Variants in MLIP observed in about 807,000 individuals in gnomAD.
The protein encoded by MLIP is muscular LMNA interacting protein, also known as muscular LMNA-interacting protein.
In MLIP, 79 loss-of-function variants were observed where a neutral mutation model predicts 84.8. The ratio of observed to expected loss-of-function variants is 0.93; its 90% CI spans 0.78 to 1.12. MLIP has a LOEUF of 1.12. MLIP is among the 50% of genes most tolerant of loss of function. MLIP has a pLI of 0.00. For synonymous variants in MLIP, 504 were observed against 463.0 expected, an observed-to-expected ratio of 1.09 and a Z score of -1.14; for missense variants, 1,257 against 1,160.6, an observed-to-expected ratio of 1.08 and a Z score of -1.21.
intron 1 of MLIP, among the ~76,000 whole-genome samples, chr6:54,062,985 T>C (rs1183252903): frequency 6.6e-6 from 1 of 152,038 alleles, no homozygotes; most frequent in Non-Finnish European, 1.5e-5. Flanking sequence ...GGTGGATTAC[T>C]TGAGGTCGCA....
At chr6:54,044,210 T>G (rs1764903880) in intron 1 of MLIP, among the ~76,000 whole-genome samples, 1 of 152,224 alleles carries the variant, frequency 6.6e-6, no homozygotes, top group African/African-American at 2.4e-5. Context: ...CCAATTACCA[T>G]GGTCTTTGGT....
intron 4 of MLIP, among the ~76,000 whole-genome samples, chr6:54,146,711 T>A (rs952340218): frequency 2.0e-5 from 3 of 152,220 alleles, no homozygotes; most frequent in African/African-American, 7.2e-5. Context: ...CTTCTTATGG[T>A]AAGATTCTTT....
At chr6:54,261,799 G>GA in intron 13 of MLIP, 1 of 894,746 alleles carries the variant, frequency 1.1e-6, no homozygotes, top group Non-Finnish European at 1.3e-6. Flanking sequence ...ATTATCAAGA[G>GA]AAAAAGGCCC....
chr6:54,136,764 C>T lies in MLIP; in HGVS notation c.695C>T (p.Ala232Val). ...TSEQLACKPP[A>V]FSFVSPTNPN... The stretch of plus-strand genomic sequence containing the variant: ...GAGCAGCTTGCCTGTAAACCACCTG[C>T]TTTCTCCTTTGTTTCTCCAACTAAT... Residue 232 changes from alanine (A) to valine (V), a missense_variant, in exon 4 of 14, where the codon GCT (alanine) becomes GTT (valine). Ala to Val is a moderately conservative substitution (Grantham distance 64). Coordinates refer to ENST00000502396, the MANE Select transcript of MLIP (RefSeq NM_001281747.2). 6.6e-7 allele frequency: 1 copy of T among 1,518,732 alleles called. No homozygotes were observed. Among genetic ancestry groups the T allele is most frequent in the African/African-American group, 1.4e-5 (1 of 72,848 alleles). 94.1% of individuals were successfully genotyped at this position (1,518,732 alleles called of 1,614,324 possible). A position where few individuals can be genotyped will look rare whatever the true frequency, so the allele number is the denominator to read the frequency against.
chr6:54,142,270 T>C (rs1426139404), intron 4 of MLIP, among the ~76,000 whole-genome samples: 1 of 152,196 alleles, frequency 6.6e-6, no homozygotes, highest in African/African-American at 2.4e-5. Context: ...TTATATTCTT[T>C]GGTGGAAGAG....
intron 1 of MLIP, among the ~76,000 whole-genome samples, chr6:54,035,876 T>C (rs1439807872): frequency 6.6e-6 from 1 of 152,072 alleles, no homozygotes; most frequent in Non-Finnish European, 1.5e-5. Context: ...GCATGTTCTT[T>C]GTTGGATATG....
In MLIP at chr6:54,084,908, ACTTGAAGGC is replaced by A. The variant is rs568681177; in HGVS notation, c.64-36535_64-36527del. ...CTGTCTAAAAGTTGTATATGTCGAG[ACTTGAAGGC>A]CTTTTGAGATGATTCCAGGTGTTAC... On this transcript the variant is annotated intron_variant, in intron 1 of 12. Coordinates refer to the MLIP transcript ENST00000274897. Among the ~76,000 whole-genome samples, 8 of 152,320 alleles carry A rather than the reference ACTTGAAGGC, an allele frequency of 5.3e-5. No homozygotes were observed. The East Asian group carries it at 1.2e-3, about 22-fold the overall frequency.
intron 13 of MLIP, among the ~76,000 whole-genome samples, chr6:54,262,011 T>C (rs370831702): frequency 2.0e-5 from 3 of 151,908 alleles, no homozygotes; most frequent in Non-Finnish European, 2.9e-5. Flanking sequence ...CTTATAAAAA[T>C]AAAGACACCT....
intron 1 of MLIP, among the ~76,000 whole-genome samples, chr6:54,076,525 G>T (rs1274199258): frequency 6.6e-6 from 1 of 152,112 alleles, no homozygotes; most frequent in South Asian, 2.1e-4. Flanking sequence ...TTGCAAGTGG[G>T]GTTTAATTAG....
chr6:54,182,572 T>A (rs904093601), intron 9 of MLIP, among the ~76,000 whole-genome samples: 1 of 152,214 alleles, frequency 6.6e-6, no homozygotes, highest in Non-Finnish European at 1.5e-5. Flanking sequence ...ACGAACACTG[T>A]AAGTTTTTAT....
chr6:54,117,026 C>T (rs150422410), intron 1 of MLIP, among the ~76,000 whole-genome samples: 1 of 152,106 alleles, frequency 6.6e-6, no homozygotes, highest in Non-Finnish European at 1.5e-5. Flanking sequence ...CGCAGAAAAG[C>T]ATTTGACAAA....
chr6:54,250,343 G>T (rs1433926943), intron 12 of MLIP, among the ~76,000 whole-genome samples: 3 of 151,992 alleles, frequency 2.0e-5, no homozygotes, highest in Non-Finnish European at 4.4e-5. Context: ...TTTTGACCCA[G>T]TAACCTTATT....
At chr6:54,115,153 T>A (rs538160210) in intron 1 of MLIP, among the ~76,000 whole-genome samples, 1 of 147,716 alleles carries the variant, frequency 6.8e-6, no homozygotes, top group South Asian at 2.1e-4. Context: ...CTCAGAGTGG[T>A]AAATATGAAG....
chr6:54,121,314 C>G (rs1770429762), intron 1 of MLIP, 133 bp from the exon 2 acceptor site: 2 of 852,004 alleles, frequency 2.3e-6, no homozygotes, highest in African/African-American at 3.5e-5. Context: ...TTTACTTTGG[C>G]AGCCATATAC....
intron 1 of MLIP, among the ~76,000 whole-genome samples, chr6:54,022,487 G>T (rs969799857): frequency 2.6e-5 from 4 of 152,072 alleles, no homozygotes; most frequent in Admixed American, 2.0e-4. Context: ...TTCAAGCTGG[G>T]TATATTTGTA....
At chr6:54,208,033 C>T (rs993045303) in intron 11 of MLIP, among the ~76,000 whole-genome samples, 3 of 151,908 alleles carry the variant, frequency 2.0e-5, no homozygotes, top group Admixed American at 6.5e-5. Context: ...GAGGCTGAGG[C>T]GGGAGAATGG....
chr6:54,241,243 A>G (rs947097130), intron 12 of MLIP, among the ~76,000 whole-genome samples: 2 of 151,618 alleles, frequency 1.3e-5, no homozygotes, highest in Non-Finnish European at 2.9e-5. Flanking sequence ...TTTTTTCCTC[A>G]TATAACTCCT....
rs752260418 is a variant in MLIP at position 54,124,653 on chromosome 6, G to A, written c.433G>A (p.Asp145Asn). ...CAAAGCTGAATATGTCCTTATTGTG[G>A]ACTCCGAAGGGGAAGATGAGGCTGC... ...LFKAEYVLIV[D>N]SEGEDEAASR... Residue 145 changes from aspartate to asparagine, a missense_variant, in exon 3 of 14, where the codon GAC (aspartate) becomes AAC (asparagine). Transcript: ENST00000502396. 1.2e-6 allele frequency: 2 copies of A among 1,614,170 alleles called. No homozygotes were observed. Among genetic ancestry groups the A allele is most frequent in the South Asian group, 2.2e-5 (2 of 91,078 alleles).
intron 1 of MLIP, 68 bp downstream of exon 1, chr6:54,111,643 T>C: frequency 6.7e-7 from 1 of 1,483,334 alleles, no homozygotes. Context: ...TGGTGGTATT[T>C]GCTGCAAGGA....
Sources: allele counts gnomAD v4.1 joint callset (sites outside exome capture counted in the v4.1 genomes callset), GRCh38; gene constraint gnomAD v4.1.1; transcripts MANE v1.5; gene names NCBI Gene and HGNC (gene_info 2026-07-23, HGNC 2026-07-21).